DSCAML1: variants seen among roughly 807,000 people sequenced by gnomAD.
DSCAML1 encodes cell adhesion molecule DSCAML1.
Under a neutral mutation model 200.5 loss-of-function variants are expected in DSCAML1, and 38 were observed. The ratio of observed to expected loss-of-function variants is 0.19; its 90% CI spans 0.15 to 0.25. The LOEUF is 0.25. Among genes scored for constraint, DSCAML1 ranks in the 10% least tolerant of loss-of-function variants. DSCAML1 has a pLI of 1.00. For missense variants in DSCAML1, 2,223 were observed against 2,858.8 expected (o/e 0.78, Z 5.07); for synonymous variants, 1,215 against 1,165.0 (o/e 1.04, Z -0.87).
chr11:117,780,931 T>C lies in DSCAML1; in HGVS notation c.47-121A>G, dbSNP rs1260908568. 8.2e-6 allele frequency: 6 copies of C among 733,414 alleles called. No individual in the cohort carries two copies. The highest frequency in any genetic ancestry group is 1.8e-5 in the African/African-American group (1 of 54,680). The allele number at this position is 733,414 out of a possible 1,614,324, so 45.4% of individuals were successfully genotyped here. A position where few individuals can be genotyped will look rare whatever the true frequency, so the allele number is the denominator to read the frequency against. ...TGACCTTCAAGCATCAGTCATTCAG[T>C]ATGCACTTATTGAGCACTGACTATA... On this transcript the variant is annotated intron_variant, in intron 1 of 32. Coordinates refer to ENST00000651296, the MANE Select transcript of DSCAML1 (RefSeq NM_020693.4). The surrounding 1 kb of genome is among the most constrained non-coding windows in gnomAD (Gnocchi z 4.8).
chr11:117,708,645 C>T (rs1338298488), intron 3 of DSCAML1, among the ~76,000 whole-genome samples: 1 of 152,238 alleles, frequency 6.6e-6, no homozygotes, highest in African/African-American at 2.4e-5. Context: ...ACACCTAAGG[C>T]ATTCCTGGTA....
rs150002652 is a variant in DSCAML1, at chr11:117,458,887, G to A, written c.3435C>T (p.Ile1145=). Residue 1145 remains isoleucine (I), a synonymous_variant, in exon 19 of 33, where the codon ATC becomes ATT. Coordinates refer to ENST00000651296, the MANE Select transcript of DSCAML1 (RefSeq NM_020693.4). ...GCTCCACCCGCTCCCGCGTGGTGGT[G>A]ATGTTCTGCATCTCGCCCCACTCTG... ...VDGEWGEMQN[I]TTTRERVELR... The A allele has an allele frequency of 7.7e-5, 124 of 1,613,766 alleles. No individual in the cohort carries two copies. Among genetic ancestry groups the A allele is most frequent in the Non-Finnish European group, 9.6e-5 (113 of 1,179,998 alleles).
intron 3 of DSCAML1, among the ~76,000 whole-genome samples, chr11:117,635,940 C>T (rs1226937600): frequency 6.6e-6 from 1 of 152,136 alleles, no homozygotes; most frequent in African/African-American, 2.4e-5. Context: ...AGTCCCATTC[C>T]CACACCCCTC....
At chr11:117,758,603 C>T (rs1458196239) in intron 3 of DSCAML1, among the ~76,000 whole-genome samples, 1 of 151,940 alleles carries the variant, frequency 6.6e-6, no homozygotes, top group Non-Finnish European at 1.5e-5. Flanking sequence ...GGGGTTTCAC[C>T]GTGTTAGCCA....
In DSCAML1 at chr11:117,563,936, G is replaced by A. The variant is rs935406251; in HGVS notation, c.512-31414C>T. Among the ~76,000 whole-genome samples, 9 of 152,180 alleles carry A rather than the reference G, an allele frequency of 5.9e-5. 1 individual carries two copies. Among genetic ancestry groups the A allele is most frequent in the African/African-American group, 1.4e-4 (6 of 41,446 alleles). On this transcript the variant is annotated intron_variant, in intron 3 of 32. Coordinates refer to ENST00000651296, the MANE Select transcript of DSCAML1 (RefSeq NM_020693.4). ...GGGCTTCTCTGCATCTGTGACGGGT[G>A]CCAGTCTAACTAGGAGATCAAAGCC...
intron 1 of DSCAML1, among the ~76,000 whole-genome samples, chr11:117,787,566 C>T (rs1442383946): frequency 6.6e-6 from 1 of 152,180 alleles, no homozygotes; most frequent in African/African-American, 2.4e-5. Context: ...GACTGGTGTC[C>T]TCTGTCTATA....
chr11:117,676,567 C>T (rs1464221459), intron 3 of DSCAML1, among the ~76,000 whole-genome samples: 1 of 152,248 alleles, frequency 6.6e-6, no homozygotes, highest in Admixed American at 6.5e-5. Context: ...AGACGGGGTG[C>T]TCCTGGGACC....
intron 3 of DSCAML1, among the ~76,000 whole-genome samples, chr11:117,680,513 A>G (rs761132393): frequency 1.4e-4 from 22 of 152,240 alleles, no homozygotes; most frequent in Non-Finnish European, 2.9e-4. Context: ...AAAGGAAGGC[A>G]TGGAGGTGCA....
chr11:117,577,081 A>G (rs2050945699), intron 3 of DSCAML1, among the ~76,000 whole-genome samples: 1 of 152,134 alleles, frequency 6.6e-6, no homozygotes, highest in South Asian at 2.1e-4. Context: ...GGAGCCCCAC[A>G]TTAGGTAACA....
At chr11:117,439,462 T>C in intron 22 of DSCAML1, 33 bp from the exon 23 acceptor site, 4 of 1,598,838 alleles carry the variant, frequency 2.5e-6, no homozygotes, top group Non-Finnish European at 3.4e-6. Context: ...GGGTGGGTCA[T>C]GTCAAGCACC....
At chr11:117,815,623 G>A (rs867451901) in intron 1 of DSCAML1, among the ~76,000 whole-genome samples, 3 of 152,084 alleles carry the variant, frequency 2.0e-5, no homozygotes, top group Non-Finnish European at 2.9e-5. Flanking sequence ...TAGCAGCCGC[G>A]GTGACTGGCG....
At chr11:117,531,808 C>T (rs1019806527) in intron 4 of DSCAML1, among the ~76,000 whole-genome samples, 2 of 151,792 alleles carry the variant, frequency 1.3e-5, no homozygotes, top group Non-Finnish European at 2.9e-5. Context: ...ATTGCTTGAA[C>T]CCAGGGGGCG....
In DSCAML1 at chr11:117,489,029, C is replaced by T. The variant is rs959488032; in HGVS notation, c.2360-6867G>A. 3.3e-5 allele frequency among the ~76,000 whole-genome samples: 5 copies of T among 152,228 alleles called. No homozygotes were observed. The highest frequency in any genetic ancestry group is 4.8e-5 in the African/African-American group (2 of 41,460). Reference sequence around the variant, plus strand: ...CAGTGGTTCCTCCCAACAGCAACCACGAAAGCAAGTCTTATCATCTCCACT... The same window carrying T: ...CAGTGGTTCCTCCCAACAGCAACCATGAAAGCAAGTCTTATCATCTCCACT... On this transcript the variant is annotated intron_variant, in intron 11 of 32. Coordinates refer to ENST00000651296, the MANE Select transcript of DSCAML1 (RefSeq NM_020693.4). This position sits in a 1 kb window ranked among gnomAD's most constrained non-coding sequence, Gnocchi z 4.8.
At chr11:117,744,415 C>A (rs1044816197) in intron 3 of DSCAML1, among the ~76,000 whole-genome samples, 4 of 152,242 alleles carry the variant, frequency 2.6e-5, no homozygotes, top group African/African-American at 9.6e-5. Context: ...CCCTGCATTG[C>A]TAACAAGCCC....
At position 117,438,078 on chromosome 11, in the gene DSCAML1, C is replaced by T. The variant is rs371067137; in HGVS notation, c.4249G>A (p.Val1417Met). Reference protein sequence around the residue: ...DNGGSSIRGFVLQYSVDNSEE... With the variant: ...DNGGSSIRGFMLQYSVDNSEE... ...CTGTTGTCCACCGAGTACTGTAGCACGAAGCCTGCGGAGGGTAGGCCTGAT... is the reference window on the plus strand; with the variant it reads ...CTGTTGTCCACCGAGTACTGTAGCATGAAGCCTGCGGAGGGTAGGCCTGAT... The change falls in exon 25 of 33, where the codon GTG becomes ATG. Residue 1417 changes from valine (V) to methionine (M), a missense_variant. Coordinates refer to ENST00000651296, the MANE Select transcript of DSCAML1 (RefSeq NM_020693.4). 2.3e-5 allele frequency: 37 copies of T among 1,610,346 alleles called. No individual in the cohort carries two copies. The highest frequency in any genetic ancestry group is 8.8e-5 in the South Asian group (8 of 90,700).
intron 3 of DSCAML1, among the ~76,000 whole-genome samples, chr11:117,571,733 G>T (rs1486227759): frequency 6.6e-6 from 1 of 152,166 alleles, no homozygotes; most frequent in Non-Finnish European, 1.5e-5. Flanking sequence ...CTTGAATAGG[G>T]GCTGGGTAAA....
chr11:117,632,677 G>A (rs936214770), intron 3 of DSCAML1, among the ~76,000 whole-genome samples: 1 of 152,188 alleles, frequency 6.6e-6, no homozygotes, highest in African/African-American at 2.4e-5. Context: ...GGGTTTTGTT[G>A]AGGGGAATGA....
Position 117,430,775 on chromosome 11 carries a change from T to C in DSCAML1, c.5633A>G (p.Asp1878Gly). The change falls in exon 32 of 33, where the codon GAT (aspartate) becomes GGT (glycine). Residue 1878 changes from aspartate (D) to glycine (G), a missense_variant. By Grantham distance (94) the Asp-to-Gly change is moderately conservative. This residue lies in a region of DSCAML1 where 96 missense variants were observed against 160.7 expected (regional missense o/e 0.60). Coordinates refer to ENST00000651296, the MANE Select transcript of DSCAML1 (RefSeq NM_020693.4). ...RFTASPPKPQ[D>G]ADRGKNVAVP... Reference sequence around the variant, plus strand: ...AGCCACGTTTTTGCCCCGGTCCGCATCCTGGGGCTTGGGTGGTGAGGCGGT... The same window carrying C: ...AGCCACGTTTTTGCCCCGGTCCGCACCCTGGGGCTTGGGTGGTGAGGCGGT... 6.2e-7 allele frequency: 1 copy of C among 1,614,104 alleles called. No individual in the cohort carries two copies. The highest frequency in any genetic ancestry group is 8.5e-7 in the Non-Finnish European group (1 of 1,180,020).
chr11:117,791,074 G>A (rs2055456910), intron 1 of DSCAML1, among the ~76,000 whole-genome samples: 1 of 152,228 alleles, frequency 6.6e-6, no homozygotes. Context: ...AGTGGCATGG[G>A]TGGTCCCCAA....
Sources: gnomAD v4.1 joint callset for allele counts (sites outside exome capture counted in the v4.1 genomes callset) on GRCh38, gnomAD v4.1.1 for gene constraint, gnomAD v4.1.1 regional missense constraint, Gnocchi (gnomAD v3.1) non-coding constraint, MANE v1.5 for transcripts, NCBI Gene and HGNC (gene_info 2026-07-23, HGNC 2026-07-21) for gene names.